Variants in PKHD1L1 observed in about 807,000 individuals in gnomAD.
PKHD1L1 encodes the protein fibrocystin-L.
A neutral mutation model predicts 462.9 loss-of-function variants in PKHD1L1; 434 were observed. The ratio of observed to expected loss-of-function variants is 0.94; its 90% CI spans 0.87 to 1.02. PKHD1L1 has a LOEUF of 1.02. Among genes scored for constraint, PKHD1L1 ranks in the 50% least tolerant of loss-of-function variants. The probability of loss-of-function intolerance (pLI) is 0.00; values close to 1 mark genes in which losing one functional copy is unlikely to be tolerated. For synonymous variants in PKHD1L1, 1,781 were observed against 1,750.0 expected (o/e 1.02, Z -0.44); for missense variants, 5,202 against 5,096.1 (o/e 1.02, Z -0.63).
At chr8:109,478,340 C>T (rs1282348564) in intron 53 of PKHD1L1, among the ~76,000 whole-genome samples, 1 of 152,072 alleles carries the variant, frequency 6.6e-6, no homozygotes, top group African/African-American at 2.4e-5. Context: ...TCTCTGATCT[C>T]ATTACACTCA....
In PKHD1L1 at chr8:109,413,524, A is replaced by G; in HGVS notation, c.2339A>G (p.Tyr780Cys). ...AGAAGCACTGATACACAGTTTACAT[A>G]CAACTTTGCTTATGGAAACAAGTAA... ...ITRSTDTQFT[Y>C]NFAYGNNWTY... The change falls in exon 21 of 78, where the codon TAC becomes TGC. Residue 780 changes from tyrosine (Y) to cysteine (C), a missense_variant. Physicochemically the swap from Tyr to Cys is radical, Grantham distance 194 (BLOSUM62 -2). This residue lies in a region of PKHD1L1 where 4,497 missense variants were observed against 4,336.8 expected (regional missense o/e 1.04). Coordinates refer to ENST00000378402, the MANE Select transcript of PKHD1L1 (RefSeq NM_177531.6). The G allele has an allele frequency of 1.9e-6, 3 of 1,543,858 alleles. No individual in the cohort carries two copies. Among genetic ancestry groups the G allele is most frequent in the Non-Finnish European group, 2.6e-6 (3 of 1,144,412 alleles).
In PKHD1L1 at chr8:109,537,079, A is replaced by G. The variant is rs1208059282; in HGVS notation, c.*6989A>G. ...CAGAAAATCCTATGCTTTCAAATGT[A>G]TCTGCTCAAAGATGTCACTCTATGT... On this transcript the variant is annotated 3_prime_UTR_variant, in exon 78 of 78. Coordinates refer to ENST00000378402, the MANE Select transcript of PKHD1L1 (RefSeq NM_177531.6). Among the ~76,000 whole-genome samples, 1 of 152,264 alleles carries G rather than the reference A, an allele frequency of 6.6e-6. No individual in the cohort carries two copies. The highest frequency in any genetic ancestry group is 1.5e-5 in the Non-Finnish European group (1 of 68,044).
At chr8:109,446,782 A>G (rs1016509474) in intron 38 of PKHD1L1, among the ~76,000 whole-genome samples, 2 of 151,988 alleles carry the variant, frequency 1.3e-5, no homozygotes, top group African/African-American at 4.8e-5. Context: ...GGTATAAGAG[A>G]CTTGCAGACA....
rs1378300964 is a variant in PKHD1L1, at chr8:109,476,546, A to G, written c.8796A>G (p.Gln2932=). Residue 2932 remains glutamine (Q), a synonymous_variant, in exon 52 of 78, where the codon CAA becomes CAG. Coordinates refer to ENST00000378402, the MANE Select transcript of PKHD1L1 (RefSeq NM_177531.6). Reference sequence around the variant, plus strand: ...TAATTATATCACATAACTTCACTCAAAATCCTGACATGTTTAATATTATTG... The same window carrying G: ...TAATTATATCACATAACTTCACTCAGAATCCTGACATGTTTAATATTATTG... ...DYVIISHNFT[Q]NPDMFNIIDM... is the part of the protein sequence containing the mutation. The G allele has an allele frequency of 1.0e-5, 16 of 1,530,390 alleles. No individual in the cohort carries two copies. The highest frequency in any genetic ancestry group is 1.9e-5 in the Admixed American group (1 of 52,310). The allele number at this position is 1,530,390 out of a possible 1,614,324, so 94.8% of individuals were successfully genotyped here.
intron 76 of PKHD1L1, among the ~76,000 whole-genome samples, chr8:109,526,310 G>GCTGTATT (rs1820812300): frequency 6.6e-6 from 1 of 152,200 alleles, no homozygotes; most frequent in South Asian, 2.1e-4. Context: ...ATGGTTGTTT[G>GCTGTATT]CTGTATTATT....
Position 109,464,230 on chromosome 8 carries a change from C to T in PKHD1L1, c.7398C>T (p.Gly2466=). ...RIEYVEVFHA[G]QAFRLGRYPI... Reference sequence around the variant, plus strand: ...GGGCTTAACAGGTATTCCATGCTGGCCAGGCTTTCCGGTTGGGGCGATATC... The same window carrying T: ...GGGCTTAACAGGTATTCCATGCTGGTCAGGCTTTCCGGTTGGGGCGATATC... Residue 2466 remains glycine (G), a synonymous_variant, in exon 49 of 78, where the codon GGC becomes GGT. Coordinates refer to ENST00000378402, the MANE Select transcript of PKHD1L1 (RefSeq NM_177531.6). 1 of 1,597,152 alleles carries T rather than the reference C, an allele frequency of 6.3e-7. No individual in the cohort carries two copies. The highest frequency in any genetic ancestry group is 8.6e-7 in the Non-Finnish European group (1 of 1,167,280).
At chr8:109,401,777 T>G (rs1272960221) in intron 14 of PKHD1L1, among the ~76,000 whole-genome samples, 189 bp downstream of exon 14, 1 of 152,180 alleles carries the variant, frequency 6.6e-6, no homozygotes, top group African/African-American at 2.4e-5. Context: ...GGCATTCAAC[T>G]AACCAGGGAA....
chr8:109,426,936 AACCACC>A, intron 24 of PKHD1L1, 60 bp from the exon 25 acceptor site: 1 of 912,626 alleles, frequency 1.1e-6, no homozygotes, highest in Non-Finnish European at 1.8e-6. Flanking sequence ...TACAGGCGTG[AACCACC>A]ACATCCGGCC....
At position 109,466,666 on chromosome 8, in the gene PKHD1L1, TG is replaced by T; in HGVS notation, c.8504del (p.Gly2835AspfsTer13). 6.2e-7 allele frequency: 1 copy of T among 1,611,554 alleles called. No individual in the cohort carries two copies. Among genetic ancestry groups the T allele is most frequent in the Non-Finnish European group, 8.5e-7 (1 of 1,178,822 alleles). On this transcript the variant is annotated frameshift_variant, in exon 50 of 78. Transcript: ENST00000378402. LOFTEE classifies it high-confidence loss of function. ...QEAEWSIGFPGSVCDASVSFH... is the reference protein window; with the variant it reads ...QEAEWSIGFPXSVCDASVSFH... ...AAGCTGAGTGGAGCATTGGGTTCCC[TG>T]GATCAGTCTGTGATGCTTCAGTCAG...
rs139740786 is a variant in PKHD1L1 at position 109,533,786 on chromosome 8, CA to C, written c.*3706del. 5.4e-5 allele frequency among the ~76,000 whole-genome samples: 8 copies of C among 147,394 alleles called. No homozygotes were observed. The highest frequency in any genetic ancestry group is 2.0e-4 in the East Asian group (1 of 5,050). On this transcript the variant is annotated 3_prime_UTR_variant, in exon 78 of 78. Transcript: ENST00000378402. ...CTAAAAATCTACAGAAAAATCTTGA[CA>C]AAAAAAAAATTCCAGTGGATTGAAT...
At chr8:109,470,270 TG>T in intron 50 of PKHD1L1, 1 of 1,437,754 alleles carries the variant, frequency 7.0e-7, no homozygotes, top group Non-Finnish European at 9.8e-7. Flanking sequence ...TACTGTGATC[TG>T]GAGTGTAGCC....
intron 2 of PKHD1L1, among the ~76,000 whole-genome samples, chr8:109,371,082 G>A (rs1811482867): frequency 6.6e-6 from 1 of 152,212 alleles, no homozygotes. Context: ...TCGCCACACT[G>A]ACTTCCGCAA....
intron 13 of PKHD1L1, 55 bp downstream of exon 13, chr8:109,400,399 A>G: frequency 2.0e-6 from 3 of 1,518,874 alleles, no homozygotes; most frequent in Non-Finnish European, 2.7e-6. Flanking sequence ...GGTGATATTT[A>G]TATGTATCTT....
intron 2 of PKHD1L1, among the ~76,000 whole-genome samples, chr8:109,379,936 TTGGCTTCA>T (rs1812026783): frequency 2.0e-5 from 3 of 152,262 alleles, no homozygotes; most frequent in Admixed American, 2.0e-4. Flanking sequence ...GGGATATCTC[TTGGCTTCA>T]TGTCCAGTGA....
chr8:109,374,637 A>G (rs1586375958), intron 2 of PKHD1L1, among the ~76,000 whole-genome samples: 1 of 152,110 alleles, frequency 6.6e-6, no homozygotes, highest in Non-Finnish European at 1.5e-5. Flanking sequence ...AGTGGCTGGT[A>G]TTGGTTGTTC....
chr8:109,404,843 A>G lies in PKHD1L1; in HGVS notation c.1533+130A>G, dbSNP rs1813450471. On this transcript the variant is annotated intron_variant, in intron 15 of 77. Coordinates refer to ENST00000378402, the MANE Select transcript of PKHD1L1 (RefSeq NM_177531.6). ...AGTCATGGACAATTATTAAATTATGACTTTGAGTATTTGTACGATAAGCCA... is the reference window on the plus strand; with the variant it reads ...AGTCATGGACAATTATTAAATTATGGCTTTGAGTATTTGTACGATAAGCCA... 4.2e-6 allele frequency: 5 copies of G among 1,177,456 alleles called. No individual in the cohort carries two copies. In the East Asian group the frequency reaches 1.1e-4, roughly 25 times the overall value. 72.9% of individuals were successfully genotyped at this position (1,177,456 alleles called of 1,614,324 possible). A position where few individuals can be genotyped will look rare whatever the true frequency, so the allele number is the denominator to read the frequency against.
intron 41 of PKHD1L1, among the ~76,000 whole-genome samples, chr8:109,451,876 C>A (rs1304626498): frequency 6.6e-6 from 1 of 152,208 alleles, no homozygotes; most frequent in African/African-American, 2.4e-5. Flanking sequence ...ATCACTGTTT[C>A]TTTCCCCAAC....
At chr8:109,431,287 A>T (rs1815086679) in intron 27 of PKHD1L1, among the ~76,000 whole-genome samples, 2 of 152,150 alleles carry the variant, frequency 1.3e-5, no homozygotes. Context: ...AAAATTGTGA[A>T]AATTTAAGCA....
At chr8:109,477,131 A>G (rs1818028967) in intron 52 of PKHD1L1, 94 bp from the exon 53 acceptor site, 2 of 1,174,876 alleles carry the variant, frequency 1.7e-6, no homozygotes. Flanking sequence ...TCAAGTTACT[A>G]CCTAAAGAAC....
Sources: allele counts gnomAD v4.1 joint callset (sites outside exome capture counted in the v4.1 genomes callset), GRCh38; gene constraint gnomAD v4.1.1; regional missense constraint gnomAD v4.1.1; transcripts MANE v1.5; gene names NCBI Gene and HGNC (gene_info 2026-07-23, HGNC 2026-07-21).